SBF2: variants seen among roughly 807,000 people sequenced by gnomAD.
SBF2 encodes the protein myotubularin-related protein 13.
In SBF2, 112 loss-of-function variants were observed where a neutral mutation model predicts 225.2. The ratio of observed to expected loss-of-function variants is 0.50; its 90% CI spans 0.43 to 0.58. The LOEUF (loss-of-function observed/expected upper bound fraction) is 0.58. SBF2 is among the 20% of genes least tolerant of loss of function. The pLI, the probability that SBF2 is intolerant of heterozygous loss-of-function variation, is 0.00. For synonymous variants in SBF2, 763 were observed against 773.3 expected (o/e 0.99, Z 0.22); for missense variants, 1,996 against 2,206.2 (o/e 0.90, Z 1.91).
Position 9,808,055 on chromosome 11 carries a change from C to G in SBF2, c.4388G>C (p.Cys1463Ser), listed in dbSNP as rs1360901210. ...GACTGGAGCAAAACCACTCCCCTGA[C>G]AGTTGAGGGTCAAGCTGCTCCTCTG... ...FSQRSSLTLN[C>S]QGSGFAPVFL... The change falls in exon 32 of 40, where the codon TGT (cysteine) becomes TCT (serine). Residue 1463 changes from cysteine to serine, a missense_variant. Coordinates refer to ENST00000256190, the MANE Select transcript of SBF2 (RefSeq NM_030962.4). 1.2e-6 allele frequency: 2 copies of G among 1,614,072 alleles called. No individual in the cohort carries two copies. Among genetic ancestry groups the G allele is most frequent in the Non-Finnish European group, 1.7e-6 (2 of 1,180,046 alleles).
At chr11:10,021,485 G>A (rs1388049518) in intron 6 of SBF2, among the ~76,000 whole-genome samples, 2 of 151,846 alleles carry the variant, frequency 1.3e-5, no homozygotes, top group African/African-American at 4.8e-5. Flanking sequence ...ATAAACACAA[G>A]ACAGTAAACA....
chr11:10,090,871 A>G (rs1372988031), intron 2 of SBF2, among the ~76,000 whole-genome samples: 1 of 152,098 alleles, frequency 6.6e-6, no homozygotes, highest in Non-Finnish European at 1.5e-5. Context: ...ATGCTAAATA[A>G]AATGCAATTC....
chr11:10,124,160 G>C (rs2135065110), intron 2 of SBF2, among the ~76,000 whole-genome samples: 1 of 152,268 alleles, frequency 6.6e-6, no homozygotes, highest in South Asian at 2.1e-4. Context: ...CTGACAGTTT[G>C]TATTTTTTTG....
intron 11 of SBF2, 118 bp from the exon 12 acceptor site, chr11:9,992,661 G>A (rs552799562): frequency 2.8e-5 from 26 of 915,274 alleles, no homozygotes; most frequent in South Asian, 4.0e-5. Context: ...ATAAATATAT[G>A]CTGTCATAAA....
chr11:9,952,399 TTA>T (rs1391463961), intron 16 of SBF2, among the ~76,000 whole-genome samples: 4 of 152,214 alleles, frequency 2.6e-5, no homozygotes, highest in Non-Finnish European at 4.4e-5. Context: ...CCTCTATTTT[TTA>T]TGTTTTAGCC....
intron 1 of SBF2, among the ~76,000 whole-genome samples, chr11:10,300,206 G>C (rs1964581507): frequency 1.3e-5 from 2 of 152,106 alleles, no homozygotes; most frequent in Admixed American, 1.3e-4. Flanking sequence ...TTTATATCTG[G>C]CTACGTCACT....
At chr11:10,172,436 C>A (rs1956237216) in intron 2 of SBF2, among the ~76,000 whole-genome samples, 1 of 152,130 alleles carries the variant, frequency 6.6e-6, no homozygotes, top group Non-Finnish European at 1.5e-5. Context: ...ACTGCAACCT[C>A]CACCTCCCAG....
intron 2 of SBF2, among the ~76,000 whole-genome samples, chr11:10,150,302 T>C (rs1443340573): frequency 6.6e-6 from 1 of 152,190 alleles, no homozygotes; most frequent in East Asian, 1.9e-4. Flanking sequence ...AAATATTTCG[T>C]TGTCATTCTT....
At chr11:10,055,473 T>A (rs915545809) in intron 2 of SBF2, among the ~76,000 whole-genome samples, 1 of 147,438 alleles carries the variant, frequency 6.8e-6, no homozygotes, top group African/African-American at 2.5e-5. Flanking sequence ...ATTGCAAAGA[T>A]AAAGAATCAA....
At chr11:10,289,326 T>C (rs1298079021) in intron 1 of SBF2, among the ~76,000 whole-genome samples, 3 of 152,018 alleles carry the variant, frequency 2.0e-5, no homozygotes, top group African/African-American at 7.2e-5. Context: ...CGTGGCCCCT[T>C]AGAACACAGG....
intron 2 of SBF2, among the ~76,000 whole-genome samples, chr11:10,148,348 G>A (rs9971507): frequency 0.024 from 3,708 of 152,146 alleles, 82 homozygotes; most frequent in Non-Finnish European, 0.035. Context: ...CATTTGCCTC[G>A]AAATGACTTC....
At chr11:9,981,322 G>C (rs1271337698) in intron 13 of SBF2, among the ~76,000 whole-genome samples, 1 of 152,330 alleles carries the variant, frequency 6.6e-6, no homozygotes, top group South Asian at 2.1e-4. Flanking sequence ...AAGGAGTAGG[G>C]AAAGGGGTGA....
intron 32 of SBF2, among the ~76,000 whole-genome samples, chr11:9,799,152 G>T (rs1325546368): frequency 6.6e-6 from 1 of 152,124 alleles, no homozygotes; most frequent in African/African-American, 2.4e-5. Context: ...ATGGAAATAT[G>T]ATCTTAAGTT....
chr11:9,946,366 CT>C (rs1865561854), intron 16 of SBF2, among the ~76,000 whole-genome samples: 1 of 152,142 alleles, frequency 6.6e-6, no homozygotes, highest in Non-Finnish European at 1.5e-5. Flanking sequence ...CATGCACCCC[CT>C]GAACCTGAAA....
intron 2 of SBF2, among the ~76,000 whole-genome samples, chr11:10,127,176 T>C (rs1290239346): frequency 1.3e-5 from 2 of 152,126 alleles, no homozygotes; most frequent in African/African-American, 2.4e-5. Context: ...CTTACAACAC[T>C]TAAAATGGTA....
chr11:9,782,194 AAAAG>A (rs1186489413), intron 38 of SBF2, among the ~76,000 whole-genome samples: 7 of 152,108 alleles, frequency 4.6e-5, no homozygotes, highest in Admixed American at 2.6e-4. Context: ...AAAAAAAAAA[AAAAG>A]AAGTCAAGTA....
chr11:9,803,471 TC>T (rs970682210), intron 32 of SBF2, among the ~76,000 whole-genome samples: 47 of 151,266 alleles, frequency 3.1e-4, no homozygotes, highest in African/African-American at 1.0e-3. Flanking sequence ...CTCCCACTCC[TC>T]CCCCCCAGCC....
intron 2 of SBF2, among the ~76,000 whole-genome samples, chr11:10,188,224 C>T (rs1591173108): frequency 6.6e-6 from 1 of 151,786 alleles, no homozygotes; most frequent in South Asian, 2.1e-4. Flanking sequence ...ATTATAGATA[C>T]AATGGAAATG....
intron 1 of SBF2, among the ~76,000 whole-genome samples, chr11:10,254,092 A>G (rs1313449016): frequency 6.6e-6 from 1 of 152,204 alleles, no homozygotes; most frequent in Non-Finnish European, 1.5e-5. Flanking sequence ...TTGCTCAAAC[A>G]ATTAAAAATA....
Sources: allele counts gnomAD v4.1 joint callset (sites outside exome capture counted in the v4.1 genomes callset), GRCh38; gene constraint gnomAD v4.1.1; transcripts MANE v1.5; gene names NCBI Gene and HGNC (gene_info 2026-07-23, HGNC 2026-07-21).